The following CNTN5 variants were observed in gnomAD, a reference collection of about 807,000 sequenced individuals.
CNTN5 encodes the protein contactin-5.
Under a neutral mutation model 129.1 loss-of-function variants are expected in CNTN5, and 77 were observed. That is an observed-to-expected ratio of 0.60 (90% CI 0.50 to 0.72). CNTN5 has a LOEUF of 0.72. Ranked by LOEUF, CNTN5 falls within the 30% of genes least tolerant of loss-of-function variation. The pLI, the probability that CNTN5 is intolerant of heterozygous loss-of-function variation, is 0.00. For synonymous variants in CNTN5, 509 were observed against 465.6 expected, an observed-to-expected ratio of 1.09 and a Z score of -1.20; for missense variants, 1,478 against 1,328.8, an observed-to-expected ratio of 1.11 and a Z score of -1.75.
At chr11:99,266,694 G>A (rs1279417363) in intron 1 of CNTN5, among the ~76,000 whole-genome samples, 2 of 152,032 alleles carry the variant, frequency 1.3e-5, no homozygotes, top group African/African-American at 2.4e-5. Flanking sequence ...TTACTGTGAC[G>A]TATATTGCAT....
intron 15 of CNTN5, among the ~76,000 whole-genome samples, chr11:100,219,033 A>G (rs1305142952): frequency 1.3e-5 from 2 of 152,230 alleles, no homozygotes; most frequent in East Asian, 3.9e-4. Flanking sequence ...TGCTCATACA[A>G]TGATTGCTAA....
chr11:99,993,748 C>A (rs908586825), intron 8 of CNTN5, among the ~76,000 whole-genome samples: 2 of 152,046 alleles, frequency 1.3e-5, no homozygotes, highest in African/African-American at 4.8e-5. Flanking sequence ...GGGTGGGGAA[C>A]CCTGAGCTAG....
intron 3 of CNTN5, among the ~76,000 whole-genome samples, chr11:99,557,939 A>G (rs967431761): frequency 2.0e-5 from 3 of 151,784 alleles, no homozygotes; most frequent in African/African-American, 7.2e-5. Context: ...AATAACTGAA[A>G]AAACAAAAAA....
chr11:99,971,467 C>G (rs1019658964), intron 8 of CNTN5, among the ~76,000 whole-genome samples: 1 of 151,720 alleles, frequency 6.6e-6, no homozygotes, highest in African/African-American at 2.4e-5. Context: ...CGCTTGAACC[C>G]GAGAGGCGGA....
At chr11:99,916,584 T>A (rs1410720273) in intron 7 of CNTN5, among the ~76,000 whole-genome samples, 1 of 152,178 alleles carries the variant, frequency 6.6e-6, no homozygotes, top group African/African-American at 2.4e-5. Flanking sequence ...TTAGAACTTC[T>A]AAGAAATGCT....
chr11:99,936,217 A>G (rs1950312757), intron 7 of CNTN5, among the ~76,000 whole-genome samples: 1 of 152,180 alleles, frequency 6.6e-6, no homozygotes, highest in Admixed American at 6.5e-5. Context: ...AAGATACTAA[A>G]TAGCAGGGGT....
At chr11:99,137,539 G>A (rs1859291929) in intron 1 of CNTN5, among the ~76,000 whole-genome samples, 1 of 152,066 alleles carries the variant, frequency 6.6e-6, no homozygotes, top group African/African-American at 2.4e-5. Context: ...AGACCCAACA[G>A]CAATATTGTA....
intron 2 of CNTN5, among the ~76,000 whole-genome samples, chr11:99,398,571 A>C (rs112802994): frequency 1.3e-5 from 2 of 151,846 alleles, no homozygotes; most frequent in African/African-American, 4.8e-5. Flanking sequence ...TTTTTTGTTT[A>C]CTTTTTCCAG....
chr11:99,143,899 A>G (rs552305840), intron 1 of CNTN5, among the ~76,000 whole-genome samples: 1 of 152,318 alleles, frequency 6.6e-6, no homozygotes, highest in East Asian at 1.9e-4. Context: ...TGTTCTTTGA[A>G]AGTGATATCC....
intron 1 of CNTN5, among the ~76,000 whole-genome samples, chr11:99,224,340 A>T (rs760168268): frequency 2.0e-5 from 3 of 152,200 alleles, no homozygotes; most frequent in Non-Finnish European, 4.4e-5. Flanking sequence ...CAGCATTGCC[A>T]CTACTGTTTG....
intron 9 of CNTN5, among the ~76,000 whole-genome samples, chr11:100,030,738 T>C (rs1021919115): frequency 4.6e-5 from 7 of 152,200 alleles, no homozygotes; most frequent in Non-Finnish European, 1.0e-4. Flanking sequence ...TCAGTTTACT[T>C]ACTTATAAAA....
At chr11:99,705,228 C>A (rs1954704326) in intron 3 of CNTN5, among the ~76,000 whole-genome samples, 1 of 151,300 alleles carries the variant, frequency 6.6e-6, no homozygotes, top group Non-Finnish European at 1.5e-5. Context: ...ACAGTACTCC[C>A]TTTATAAGTC....
At chr11:100,018,653 C>T (rs932220084) in intron 9 of CNTN5, among the ~76,000 whole-genome samples, 2 of 151,852 alleles carry the variant, frequency 1.3e-5, no homozygotes, top group Admixed American at 1.3e-4. Flanking sequence ...TTTATATGCA[C>T]ATAAGCATTG....
At chr11:99,923,912 C>A (rs1419803487) in intron 7 of CNTN5, among the ~76,000 whole-genome samples, 6 of 152,060 alleles carry the variant, frequency 3.9e-5, no homozygotes, top group Non-Finnish European at 2.9e-5. Flanking sequence ...CTCAGCCTTC[C>A]AAGTAGCTGG....
At chr11:99,843,940 G>A (rs772236273) in intron 4 of CNTN5, among the ~76,000 whole-genome samples, 11 of 152,172 alleles carry the variant, frequency 7.2e-5, no homozygotes, top group Non-Finnish European at 1.3e-4. Context: ...GAATGCTTAC[G>A]TAACTGTGGG....
At chr11:99,453,379 T>C (rs1296726127) in intron 2 of CNTN5, among the ~76,000 whole-genome samples, 2 of 152,170 alleles carry the variant, frequency 1.3e-5, no homozygotes, top group African/African-American at 4.8e-5. Flanking sequence ...TTTTCTTTAA[T>C]TCATAACTGA....
chr11:99,799,252 T>C (rs549796255), intron 3 of CNTN5, among the ~76,000 whole-genome samples: 2 of 151,738 alleles, frequency 1.3e-5, no homozygotes, highest in South Asian at 4.2e-4. Context: ...TTCCTTCTGC[T>C]TGATTACTCT....
At chr11:99,600,760 T>G (rs2135703455) in intron 3 of CNTN5, among the ~76,000 whole-genome samples, 1 of 8,090 alleles carries the variant, frequency 1.2e-4, no homozygotes, top group East Asian at 0.25. Flanking sequence ...AGCTTCTCCT[T>G]TCTTTTTTTC....
intron 1 of CNTN5, among the ~76,000 whole-genome samples, chr11:99,116,363 A>C (rs1326117189): frequency 1.3e-5 from 2 of 152,192 alleles, no homozygotes; most frequent in African/African-American, 2.4e-5. Flanking sequence ...GTTCTCTTTA[A>C]GTTCAATTCT....
Sources: gnomAD v4.1 joint callset for allele counts (sites outside exome capture counted in the v4.1 genomes callset) on GRCh38, gnomAD v4.1.1 for gene constraint, MANE v1.5 for transcripts, NCBI Gene and HGNC (gene_info 2026-07-23, HGNC 2026-07-21) for gene names.